FHIT: variants seen among roughly 807,000 people sequenced by gnomAD.
FHIT encodes bis(5'-adenosyl)-triphosphatase.
FHIT carries 19 observed loss-of-function variants against 17.9 expected under a neutral mutation model. The observed-to-expected ratio is 1.06, with a 90% CI of 0.74 to 1.56. FHIT has a LOEUF of 1.56. FHIT is among the 40% of genes most tolerant of loss of function. The pLI, the probability that FHIT is intolerant of heterozygous loss-of-function variation, is 0.00. For synonymous variants in FHIT, 81 were observed against 69.7 expected (o/e 1.16, Z -0.81); for missense variants, 248 against 189.2 (o/e 1.31, Z -1.82).
chr3:59,936,768 A>AC (rs1255316971), intron 7 of FHIT, among the ~76,000 whole-genome samples: 1 of 152,156 alleles, frequency 6.6e-6, no homozygotes, highest in African/African-American at 2.4e-5. Context: ...AGAGACAGTA[A>AC]CATAGTAATT....
intron 3 of FHIT, among the ~76,000 whole-genome samples, chr3:60,848,118 G>T (rs1184148571): frequency 1.3e-5 from 2 of 152,040 alleles, no homozygotes; most frequent in Non-Finnish European, 2.9e-5. Context: ...GTTCCCCTTT[G>T]GCATTAGTCT....
At chr3:60,486,496 C>A (rs2033846614) in intron 5 of FHIT, among the ~76,000 whole-genome samples, 1 of 152,096 alleles carries the variant, frequency 6.6e-6, no homozygotes, top group Non-Finnish European at 1.5e-5. Context: ...GATCCATCAG[C>A]AAATTTAGGA....
intron 3 of FHIT, among the ~76,000 whole-genome samples, chr3:61,031,568 A>G (rs2033011700): frequency 6.6e-6 from 1 of 152,208 alleles, no homozygotes; most frequent in Admixed American, 6.5e-5. Context: ...ATCCCAGTTA[A>G]ATGTCAAAGC....
At chr3:60,215,624 T>C (rs1473385349) in intron 5 of FHIT, among the ~76,000 whole-genome samples, 1 of 152,120 alleles carries the variant, frequency 6.6e-6, no homozygotes, top group East Asian at 1.9e-4. Flanking sequence ...AGAAGAAATA[T>C]CTACCTATGC....
At chr3:60,587,657 C>T (rs576835506) in intron 4 of FHIT, among the ~76,000 whole-genome samples, 11 of 152,128 alleles carry the variant, frequency 7.2e-5, no homozygotes, top group African/African-American at 2.2e-4. Flanking sequence ...TTAGAAGCCA[C>T]GCAGTTCCAC....
intron 7 of FHIT, among the ~76,000 whole-genome samples, chr3:59,991,057 T>A (rs566037072): frequency 8.5e-4 from 129 of 152,146 alleles, no homozygotes; most frequent in Non-Finnish European, 1.4e-3. Context: ...GTGGGTAAAC[T>A]TGAGGATTGA....
At chr3:60,961,407 T>C (rs1709437288) in intron 3 of FHIT, among the ~76,000 whole-genome samples, 1 of 152,250 alleles carries the variant, frequency 6.6e-6, no homozygotes, top group Non-Finnish European at 1.5e-5. Context: ...GTAGTTTCTT[T>C]TGCTGTGCAG....
At chr3:60,211,866 T>G (rs754022554) in intron 5 of FHIT, among the ~76,000 whole-genome samples, 3 of 152,192 alleles carry the variant, frequency 2.0e-5, no homozygotes, top group Non-Finnish European at 2.9e-5. Context: ...TCTAAAGTTA[T>G]TGTCATGACA....
At chr3:61,175,492 G>T (rs975997160) in intron 2 of FHIT, among the ~76,000 whole-genome samples, 5 of 151,968 alleles carry the variant, frequency 3.3e-5, no homozygotes, top group Non-Finnish European at 7.4e-5. Context: ...TAGGTGCTAT[G>T]GTTTGAATGA....
At chr3:59,930,499 C>A (rs77284646) in intron 7 of FHIT, among the ~76,000 whole-genome samples, 20,755 of 152,084 alleles carry the variant, frequency 0.14, 1,908 homozygotes, top group East Asian at 0.47. Flanking sequence ...CCTAGAGCTT[C>A]CAGAACAAGC....
chr3:60,380,343 GATA>G (rs1700746258), intron 5 of FHIT, among the ~76,000 whole-genome samples: 1 of 152,166 alleles, frequency 6.6e-6, no homozygotes, highest in Admixed American at 6.5e-5. Context: ...CTTCTGCCAT[GATA>G]CTAAGTTTCC....
intron 8 of FHIT, among the ~76,000 whole-genome samples, chr3:59,755,290 A>C (rs1267156218): frequency 6.6e-6 from 1 of 152,176 alleles, no homozygotes; most frequent in Non-Finnish European, 1.5e-5. Flanking sequence ...GAATGTTTTT[A>C]ATCTCTGCAG....
chr3:59,766,171 G>A (rs1701787279), intron 8 of FHIT, among the ~76,000 whole-genome samples: 2 of 152,098 alleles, frequency 1.3e-5, no homozygotes, highest in Admixed American at 6.6e-5. Context: ...TCTGGGCAAT[G>A]GGTTTGCAGA....
chr3:60,002,167 A>G (rs1575856530), intron 7 of FHIT, among the ~76,000 whole-genome samples: 1 of 152,196 alleles, frequency 6.6e-6, no homozygotes, highest in Non-Finnish European at 1.5e-5. Context: ...GTCAGGAACC[A>G]GGAAGACTTG....
At chr3:61,126,340 T>C (rs2036607154) in intron 2 of FHIT, among the ~76,000 whole-genome samples, 1 of 152,166 alleles carries the variant, frequency 6.6e-6, no homozygotes, top group Non-Finnish European at 1.5e-5. Flanking sequence ...CATACTGCTA[T>C]AAATAAATGC....
chr3:60,498,751 C>T (rs554554930), intron 5 of FHIT, among the ~76,000 whole-genome samples: 1 of 152,156 alleles, frequency 6.6e-6, no homozygotes, highest in South Asian at 2.1e-4. Flanking sequence ...TACCATTTTA[C>T]CTGATTCTAG....
intron 5 of FHIT, among the ~76,000 whole-genome samples, chr3:60,077,686 TCA>T (rs35531886): frequency 0.22 from 24,601 of 109,620 alleles, 2,647 homozygotes; most frequent in East Asian, 0.47. Flanking sequence ...CGATTTTACT[TCA>T]CACACACACA....
intron 1 of FHIT, among the ~76,000 whole-genome samples, chr3:61,225,819 G>A (rs902927950): frequency 4.6e-5 from 7 of 152,128 alleles, no homozygotes; most frequent in Admixed American, 3.3e-4. Flanking sequence ...CTTTTCACCA[G>A]TGTTAAATAA....
chr3:59,957,267 T>C (rs1044896718), intron 7 of FHIT, among the ~76,000 whole-genome samples: 1 of 152,184 alleles, frequency 6.6e-6, no homozygotes, highest in Admixed American at 6.5e-5. Flanking sequence ...GAGAGGGAAT[T>C]TGGATACACA....
Sources: allele counts gnomAD v4.1 joint callset (sites outside exome capture counted in the v4.1 genomes callset), GRCh38; gene constraint gnomAD v4.1.1; transcripts MANE v1.5; gene names NCBI Gene and HGNC (gene_info 2026-07-23, HGNC 2026-07-21).